Variants in FYB2 observed in about 807,000 individuals in gnomAD.
The protein encoded by FYB2 is FYN binding protein 2.
FYB2 carries 103 observed loss-of-function variants against 94.1 expected under a neutral mutation model. That is an observed-to-expected ratio of 1.09 (90% CI 0.93 to 1.29). The LOEUF (loss-of-function observed/expected upper bound fraction) is 1.29. FYB2 is among the 50% of genes most tolerant of loss of function. The probability of loss-of-function intolerance (pLI) is 0.00; values close to 1 mark genes in which losing one functional copy is unlikely to be tolerated. For missense variants in FYB2, 896 were observed against 841.5 expected, an observed-to-expected ratio of 1.06 and a Z score of -0.80; for synonymous variants, 293 against 287.9, an observed-to-expected ratio of 1.02 and a Z score of -0.18.
At chr1:56,750,515 GT>G (rs1332543928) in intron 9 of FYB2, among the ~76,000 whole-genome samples, 1 of 151,898 alleles carries the variant, frequency 6.6e-6, no homozygotes, top group Non-Finnish European at 1.5e-5. Flanking sequence ...TTCTTTTTGT[GT>G]TTAACATAGT....
Position 56,792,566 on chromosome 1 carries a change from G to C in FYB2, c.247C>G (p.Gln83Glu). 1 of 1,614,108 alleles carries C rather than the reference G, an allele frequency of 6.2e-7. No homozygotes were observed. Among genetic ancestry groups the C allele is most frequent in the Non-Finnish European group, 8.5e-7 (1 of 1,179,988 alleles). Residue 83 changes from glutamine (Q) to glutamate (E), a missense_variant, in exon 2 of 20, where the codon CAG (glutamine) becomes GAG (glutamate). Transcript: ENST00000343433. ...GAACATTTTGGAATTTCACTCTTCT[G>C]AGCCAACTTTATTTTCTGAGGTTGA... ...PLQPQKIKLAQKSEIPKCSNS... is the reference protein window; with the variant it reads ...PLQPQKIKLAEKSEIPKCSNS...
At chr1:56,776,170 A>T (rs1406271531) in intron 4 of FYB2, among the ~76,000 whole-genome samples, 2 of 152,136 alleles carry the variant, frequency 1.3e-5, no homozygotes, top group Non-Finnish European at 2.9e-5. Flanking sequence ...ATGAAGCACC[A>T]GACGATGGTG....
At chr1:56,784,317 C>G (rs1164491917) in intron 4 of FYB2, among the ~76,000 whole-genome samples, 1 of 152,042 alleles carries the variant, frequency 6.6e-6, no homozygotes, top group Non-Finnish European at 1.5e-5. Flanking sequence ...GGATCAAAAC[C>G]CAGGCTTTCA....
At position 56,744,038 on chromosome 1, in the gene FYB2, C is replaced by T. The variant is rs374134703; in HGVS notation, c.1531G>A (p.Ala511Thr). ...VPKLNYSSSL[A>T]SSSEENRELY... ...TTCCTATACTTACCACTACTTGAGG[C>T]AAGTGAGCTAGAGTAGTTCAGCTTC... The change falls in exon 11 of 20, where the codon GCC (alanine) becomes ACC (threonine). Residue 511 changes from alanine to threonine, a missense_variant. By Grantham distance (58) the Ala-to-Thr change is moderately conservative (BLOSUM62 0). Transcript: ENST00000343433. 2 of 1,612,388 alleles carry T rather than the reference C, an allele frequency of 1.2e-6. No homozygotes were observed. The highest frequency in any genetic ancestry group is 1.7e-6 in the Non-Finnish European group (2 of 1,179,180).
At chr1:56,757,826 G>A (rs1645392857) in intron 6 of FYB2, among the ~76,000 whole-genome samples, 1 of 148,512 alleles carries the variant, frequency 6.7e-6, no homozygotes, top group South Asian at 2.1e-4. Flanking sequence ...CTAAAGTGTA[G>A]TGGTACAATA....
At chr1:56,817,661 A>C (rs1336375918) in intron 1 of FYB2, among the ~76,000 whole-genome samples, 2 of 152,222 alleles carry the variant, frequency 1.3e-5, no homozygotes, top group Middle Eastern at 3.2e-3. Flanking sequence ...ATATTTTGTT[A>C]ATTTTAAAAA....
At chr1:56,782,384 GTGT>G (rs1436434908) in intron 4 of FYB2, among the ~76,000 whole-genome samples, 2 of 151,928 alleles carry the variant, frequency 1.3e-5, no homozygotes, top group African/African-American at 4.8e-5. Context: ...TTTGGTTACA[GTGT>G]TGTTGTAATC....
At chr1:56,768,003 T>C (rs759367738) in intron 4 of FYB2, 65 bp from the exon 5 acceptor site, 145 of 1,285,018 alleles carry the variant, frequency 1.1e-4, no homozygotes, top group Non-Finnish European at 3.9e-5. Context: ...GCTTTTTGTA[T>C]TTTTTCCTCA....
chr1:56,803,045 C>T (rs1026673574), intron 1 of FYB2, among the ~76,000 whole-genome samples: 3 of 152,136 alleles, frequency 2.0e-5, no homozygotes, highest in Non-Finnish European at 4.4e-5. Context: ...CTTGGATTCT[C>T]TGAGATTTAG....
intron 1 of FYB2, among the ~76,000 whole-genome samples, chr1:56,796,715 A>G (rs1198096073): frequency 3.9e-5 from 6 of 152,238 alleles, no homozygotes; most frequent in Middle Eastern, 3.4e-3. Context: ...TCCCCCCAAC[A>G]TGCTTTCTTC....
intron 15 of FYB2, among the ~76,000 whole-genome samples, chr1:56,732,216 G>A (rs61765482): frequency 6.6e-6 from 1 of 151,996 alleles, no homozygotes; most frequent in East Asian, 1.9e-4. Context: ...GATCAAGAAG[G>A]CAATCTGGTT....
chr1:56,734,411 C>T (rs1644783094), intron 15 of FYB2, among the ~76,000 whole-genome samples: 2 of 152,022 alleles, frequency 1.3e-5, no homozygotes, highest in South Asian at 4.2e-4. Context: ...TTGGAACCAA[C>T]CCAAATGTCC....
chr1:56,779,483 T>C (rs928375737), intron 4 of FYB2, among the ~76,000 whole-genome samples: 5 of 152,152 alleles, frequency 3.3e-5, no homozygotes, highest in African/African-American at 7.2e-5. Flanking sequence ...TTACCTAATA[T>C]GCAAGGGCAA....
At chr1:56,812,963 G>A in intron 1 of FYB2, among the ~76,000 whole-genome samples, 1 of 152,186 alleles carries the variant, frequency 6.6e-6, no homozygotes, top group East Asian at 1.9e-4. Context: ...AGTTCTAGAG[G>A]CAAAAGTCCA....
intron 4 of FYB2, 111 bp downstream of exon 4, chr1:56,787,064 C>T (rs542246845): frequency 8.4e-7 from 1 of 1,193,934 alleles, no homozygotes; most frequent in African/African-American, 1.5e-5. Context: ...GCTTCTGAAA[C>T]CCTTCTGAGA....
chr1:56,770,055 A>C (rs1195907747), intron 4 of FYB2, among the ~76,000 whole-genome samples: 1 of 152,170 alleles, frequency 6.6e-6, no homozygotes, highest in Non-Finnish European at 1.5e-5. Context: ...GTACACACGA[A>C]TGCGTATACA....
the FYB2 span, chr1:56,824,715 A>T: frequency 3.3e-5 from 5 of 152,126 alleles, no homozygotes; most frequent in African/African-American, 7.2e-5. Flanking sequence ...TAGGGATCGT[A>T]CCTCCTTTTC....
intron 17 of FYB2, 131 bp downstream of exon 17, chr1:56,723,457 T>C (rs1644525667): frequency 1.9e-6 from 1 of 522,562 alleles, no homozygotes; most frequent in Admixed American, 4.2e-5. Flanking sequence ...AATGAAATGC[T>C]GGCTTTTTGT....
At chr1:56,768,582 A>G (rs1645681353) in intron 4 of FYB2, among the ~76,000 whole-genome samples, 1 of 152,218 alleles carries the variant, frequency 6.6e-6, no homozygotes, top group African/African-American at 2.4e-5. Context: ...TTTCAGAGAC[A>G]CAAAGCCAAA....
Sources: allele counts gnomAD v4.1 joint callset (sites outside exome capture counted in the v4.1 genomes callset), GRCh38; gene constraint gnomAD v4.1.1; transcripts MANE v1.5; gene names NCBI Gene and HGNC (gene_info 2026-07-23, HGNC 2026-07-21).